Variants in NR1H3 observed in about 807,000 individuals in gnomAD.
NR1H3 encodes the protein nuclear receptor subfamily 1 group H member 3, also known as oxysterols receptor LXR-alpha.
A neutral mutation model predicts 48.1 loss-of-function variants in NR1H3; 19 were observed. The observed-to-expected ratio is 0.40, with a 90% CI of 0.28 to 0.58. The LOEUF is 0.58. NR1H3 is among the 20% of genes least tolerant of loss of function. The pLI is 0.50. For missense variants in NR1H3, 486 were observed against 595.9 expected (o/e 0.82, Z 1.92); for synonymous variants, 232 against 227.3 (o/e 1.02, Z -0.19).
At chr11:47,267,151 A>G (rs544483456) in intron 7 of NR1H3, among the ~76,000 whole-genome samples, 44 of 152,048 alleles carry the variant, frequency 2.9e-4, no homozygotes, top group African/African-American at 8.2e-4. Context: ...AACTGAAAAT[A>G]TAAGAATTAG....
Position 47,261,338 on chromosome 11 carries a change from C to T in NR1H3, c.597C>T (p.Pro199=), listed in dbSNP as rs2135641249. The T allele has an allele frequency of 6.2e-7, 1 of 1,614,086 alleles. No individual in the cohort carries two copies. The highest frequency in any genetic ancestry group is 2.2e-5 in the East Asian group (1 of 44,874). ...ATSLPPRASS[P]PQILPQLSPE... Reference sequence around the variant, plus strand: ...CCTTGCCCCCCAGGGCTTCCTCACCCCCCCAAATCCTGCCCCAGCTCAGCC... The same window carrying T: ...CCTTGCCCCCCAGGGCTTCCTCACCTCCCCAAATCCTGCCCCAGCTCAGCC... Residue 199 remains proline, a synonymous_variant, in exon 5 of 10, where the codon CCC becomes CCT. Coordinates refer to ENST00000441012, the MANE Select transcript of NR1H3 (RefSeq NM_005693.4).
upstream of NR1H3, chr11:47,257,598 C>G (rs527483503): frequency 3.5e-3 from 3,310 of 956,332 alleles, 9 homozygotes; most frequent in Non-Finnish European, 3.9e-3. Context: ...GGCTCAGTGT[C>G]GCAATTCCGG....
At chr11:47,252,357 G>A (rs1304384639) in intron 1 of NR1H3, among the ~76,000 whole-genome samples, 4 of 152,236 alleles carry the variant, frequency 2.6e-5, no homozygotes, top group Admixed American at 2.0e-4. Flanking sequence ...CGCCTCCCGG[G>A]TTCAAGCGAT....
At chr11:47,260,333 C>T in intron 3 of NR1H3, 76 bp from the exon 4 acceptor site, 1 of 1,533,504 alleles carries the variant, frequency 6.5e-7, no homozygotes, top group Non-Finnish European at 8.8e-7. Flanking sequence ...ACTGAGTGCC[C>T]AGGGCAGTGG....
upstream of NR1H3, chr11:47,257,801 C>T (rs1231243809): frequency 4.0e-5 from 13 of 321,028 alleles, no homozygotes; most frequent in Middle Eastern, 3.0e-3. Context: ...CTGTTTTGGC[C>T]GGGAGTAGGG....
rs191833855 is a variant in NR1H3, at chr11:47,267,620, T to C, written c.989-293T>C. 2.0e-3 allele frequency among the ~76,000 whole-genome samples: 303 copies of C among 152,182 alleles called. 2 individuals are homozygous for C. The highest frequency in any genetic ancestry group is 6.9e-3 in the African/African-American group (285 of 41,520). On this transcript the variant is annotated intron_variant, in intron 7 of 9. Coordinates refer to ENST00000441012, the MANE Select transcript of NR1H3 (RefSeq NM_005693.4). ...GCCTCCCGTGTTCAAGCAATTCTCCTGCCTCAGCCTCCCAAGTAGCTGGGA... is the reference window on the plus strand; with the variant it reads ...GCCTCCCGTGTTCAAGCAATTCTCCCGCCTCAGCCTCCCAAGTAGCTGGGA...
intron 7 of NR1H3, among the ~76,000 whole-genome samples, chr11:47,267,542 T>C (rs1956768624): frequency 6.7e-6 from 1 of 150,304 alleles, no homozygotes; most frequent in Admixed American, 6.6e-5. Flanking sequence ...GGAATCTCGC[T>C]CTATCGCCCA....
intron 7 of NR1H3, among the ~76,000 whole-genome samples, chr11:47,266,930 C>G (rs956423697): frequency 6.6e-6 from 1 of 152,094 alleles, no homozygotes; most frequent in Non-Finnish European, 1.5e-5. Context: ...CATGAACCGC[C>G]GTGCCTTGCT....
chr11:47,263,606 CTTTTTT>C (rs563452264), intron 7 of NR1H3, among the ~76,000 whole-genome samples: 1 of 132,384 alleles, frequency 7.6e-6, no homozygotes, highest in South Asian at 2.4e-4. Flanking sequence ...TTTTTCTTTT[CTTTTTT>C]TTTTTTTTTG....
At chr11:47,261,191 C>T (rs745859396) in intron 4 of NR1H3, 50 bp from the exon 5 acceptor site, 2 of 1,479,550 alleles carry the variant, frequency 1.4e-6, no homozygotes, top group South Asian at 2.4e-5. Context: ...ACCCCCTTGC[C>T]CCATCCTTTC....
intron 7 of NR1H3, among the ~76,000 whole-genome samples, chr11:47,264,447 C>T (rs1024003832): frequency 4.6e-5 from 7 of 152,226 alleles, no homozygotes; most frequent in East Asian, 1.9e-4. Context: ...CTATAGTAAC[C>T]GGTGTGCTGC....
chr11:47,249,074 C>G, intron 1 of NR1H3: 1 of 1,368,884 alleles, frequency 7.3e-7, no homozygotes, highest in Non-Finnish European at 9.7e-7. Context: ...TCGCGTTTGC[C>G]TCTGCTCGGA....
At position 47,268,829 on chromosome 11, in the gene NR1H3, A is replaced by G. The variant is rs1457589818; in HGVS notation, c.*133A>G. 1 of 1,141,892 alleles carries G rather than the reference A, an allele frequency of 8.8e-7. No homozygotes were observed. The highest frequency in any genetic ancestry group is 1.2e-6 in the Non-Finnish European group (1 of 811,700). 70.7% of individuals were successfully genotyped at this position (1,141,892 alleles called of 1,614,324 possible). On this transcript the variant is annotated 3_prime_UTR_variant, in exon 10 of 10. Coordinates refer to ENST00000441012, the MANE Select transcript of NR1H3 (RefSeq NM_005693.4). ...GCAAGGAGATCCTCCCGTGGCATTA[A>G]AAGAGAGTCAAAGGGTTGCGAGTTT...
chr11:47,266,691 G>T (rs1298615316), intron 7 of NR1H3, among the ~76,000 whole-genome samples: 1 of 150,588 alleles, frequency 6.6e-6, no homozygotes, highest in Non-Finnish European at 1.5e-5. Context: ...ATCCAGGCTG[G>T]AGTGCAGTGG....
chr11:47,261,474 C>T (rs772889302), intron 5 of NR1H3, 25 bp downstream of exon 5: 26 of 1,610,954 alleles, frequency 1.6e-5, no homozygotes, highest in Middle Eastern at 3.3e-4. Context: ...TGGGGAGAGG[C>T]GGCTGCGCCC....
At chr11:47,264,549 C>T (rs1453560854) in intron 7 of NR1H3, among the ~76,000 whole-genome samples, 3 of 152,180 alleles carry the variant, frequency 2.0e-5, no homozygotes, top group Non-Finnish European at 4.4e-5. Context: ...ACTTTTTCCT[C>T]GATGGTTATT....
chr11:47,266,999 C>T (rs1956553778), intron 7 of NR1H3, among the ~76,000 whole-genome samples: 1 of 151,892 alleles, frequency 6.6e-6, no homozygotes, highest in African/African-American at 2.4e-5. Flanking sequence ...AAATGTGGAG[C>T]CCTCAAGAAT....
intron 7 of NR1H3, among the ~76,000 whole-genome samples, chr11:47,266,942 AAAAAC>A (rs1194022393): frequency 6.6e-6 from 1 of 152,008 alleles, no homozygotes; most frequent in Non-Finnish European, 1.5e-5. Context: ...TGCCTTGCTG[AAAAAC>A]GATTCTTGAT....
chr11:47,255,595 T>TTCTTTCTTTCTTTCTTTC (rs1565178673), upstream of NR1H3, among the ~76,000 whole-genome samples: 3 of 61,402 alleles, frequency 4.9e-5, no homozygotes, highest in African/African-American at 2.3e-4. Context: ...CTTTCTTTCT[T>TTCTTTCTTTCTTTCTTTC]TCTCTCTCTC....
Sources: allele counts gnomAD v4.1 joint callset (sites outside exome capture counted in the v4.1 genomes callset), GRCh38; gene constraint gnomAD v4.1.1; transcripts MANE v1.5; gene names NCBI Gene and HGNC (gene_info 2026-07-23, HGNC 2026-07-21).